Variants in PPARGC1A observed in about 807,000 individuals in gnomAD.
PPARGC1A encodes PPARG coactivator 1 alpha.
PPARGC1A carries 25 observed loss-of-function variants against 88.7 expected under a neutral mutation model. The ratio of observed to expected loss-of-function variants is 0.28; its 90% CI spans 0.21 to 0.39. The LOEUF is 0.39. Among genes scored for constraint, PPARGC1A ranks in the 10% least tolerant of loss-of-function variants. PPARGC1A has a pLI of 1.00. For missense variants in PPARGC1A, 880 were observed against 968.7 expected (o/e 0.91, Z 1.22); for synonymous variants, 363 against 355.6 (o/e 1.02, Z -0.24).
the PPARGC1A span, among the ~76,000 whole-genome samples, chr4:24,009,048 A>ACCTTCAC: frequency 6.6e-6 from 1 of 150,906 alleles, no homozygotes; most frequent in Non-Finnish European, 1.5e-5. Flanking sequence ...ATACAGGAAG[A>ACCTTCAC]CCTTCACATA....
the PPARGC1A span, among the ~76,000 whole-genome samples, chr4:24,332,296 G>A: frequency 1.3e-5 from 2 of 152,022 alleles, no homozygotes. Flanking sequence ...TGCATTTAAA[G>A]CTGGTCGAGG....
the PPARGC1A span, among the ~76,000 whole-genome samples, chr4:24,471,692 G>A: frequency 6.6e-6 from 1 of 152,114 alleles, no homozygotes; most frequent in Admixed American, 6.5e-5. The surrounding 1 kb of genome is among the most constrained non-coding windows in gnomAD (Gnocchi z 5.4). Flanking sequence ...CCTACAGGCC[G>A]GCGGCGTGGA....
chr4:23,998,111 T>C, the PPARGC1A span, among the ~76,000 whole-genome samples: 1 of 152,196 alleles, frequency 6.6e-6, no homozygotes, highest in Non-Finnish European at 1.5e-5. Flanking sequence ...ACATGACCCC[T>C]GGCAGGTGGA....
intron 2 of PPARGC1A, among the ~76,000 whole-genome samples, chr4:23,868,764 A>G (rs999433455): frequency 1.3e-5 from 2 of 152,226 alleles, no homozygotes; most frequent in African/African-American, 4.8e-5. Context: ...GTAAAGGCTT[A>G]ATGTAAACAC....
intron 2 of PPARGC1A, among the ~76,000 whole-genome samples, chr4:23,844,277 T>C (rs1284606578): frequency 6.9e-6 from 1 of 145,268 alleles, no homozygotes; most frequent in Non-Finnish European, 1.5e-5. Flanking sequence ...AAAATACAAC[T>C]AATGACACAA....
chr4:24,216,162 T>C, the PPARGC1A span, among the ~76,000 whole-genome samples: 1 of 148,370 alleles, frequency 6.7e-6, no homozygotes, highest in African/African-American at 2.5e-5. Context: ...TTTTTTTTTT[T>C]TTTGAGACAG....
At chr4:23,900,802 A>G (rs1719242641), upstream of PPARGC1A, among the ~76,000 whole-genome samples, 1 of 152,244 alleles carries the variant, frequency 6.6e-6, no homozygotes, top group African/African-American at 2.4e-5. Flanking sequence ...CCAGCCTCAT[A>G]CCAGTCCCGA....
chr4:24,416,690 A>C, the PPARGC1A span, among the ~76,000 whole-genome samples: 1 of 152,166 alleles, frequency 6.6e-6, no homozygotes. Context: ...TTGAAGTTTT[A>C]GATTTGGGAG....
chr4:24,321,191 G>A, the PPARGC1A span, among the ~76,000 whole-genome samples: 3 of 152,280 alleles, frequency 2.0e-5, no homozygotes, highest in Admixed American at 1.3e-4. Flanking sequence ...CAATGATACC[G>A]TGTAAGAAGG....
chr4:24,128,639 G>A, the PPARGC1A span, among the ~76,000 whole-genome samples: 1 of 151,954 alleles, frequency 6.6e-6, no homozygotes, highest in African/African-American at 2.4e-5. Flanking sequence ...GTATATGTGT[G>A]GGTGTGGCAT....
At chr4:24,156,904 G>A in the PPARGC1A span, among the ~76,000 whole-genome samples, 1 of 152,030 alleles carries the variant, frequency 6.6e-6, no homozygotes, top group Non-Finnish European at 1.5e-5. Context: ...GTTTCAAAAT[G>A]GCATTGTTAC....
the PPARGC1A span, among the ~76,000 whole-genome samples, chr4:24,417,988 T>G: frequency 1.3e-5 from 2 of 151,796 alleles, no homozygotes; most frequent in Non-Finnish European, 2.9e-5. Flanking sequence ...TATTTTGTTT[T>G]TTCTGTAAGA....
the PPARGC1A span, among the ~76,000 whole-genome samples, chr4:24,143,897 T>G: frequency 3.9e-5 from 6 of 152,334 alleles, no homozygotes; most frequent in African/African-American, 7.2e-5. Context: ...AACCTGGCAG[T>G]CTTACTCCAA....
chr4:23,914,984 C>T, the PPARGC1A span, among the ~76,000 whole-genome samples: 1 of 152,122 alleles, frequency 6.6e-6, no homozygotes, highest in Non-Finnish European at 1.5e-5. Context: ...ATTTTAATTA[C>T]TGGAGAAACC....
chr4:23,810,372 T>C (rs1239338001), intron 10 of PPARGC1A, among the ~76,000 whole-genome samples: 3 of 152,212 alleles, frequency 2.0e-5, no homozygotes, highest in Admixed American at 2.0e-4. Flanking sequence ...TACAGATTAC[T>C]TTCATCTAAG....
the PPARGC1A span, among the ~76,000 whole-genome samples, chr4:24,240,204 A>G: frequency 2.0e-5 from 3 of 152,218 alleles, no homozygotes; most frequent in Non-Finnish European, 4.4e-5. Flanking sequence ...AGACTTTGGA[A>G]GAACTAGAAG....
chr4:24,445,480 C>T, the PPARGC1A span, among the ~76,000 whole-genome samples: 2 of 152,122 alleles, frequency 1.3e-5, no homozygotes, highest in Non-Finnish European at 2.9e-5. Flanking sequence ...GTTTGGAATA[C>T]ACACAGTGGG....
At chr4:23,984,757 A>G in the PPARGC1A span, among the ~76,000 whole-genome samples, 3 of 152,118 alleles carry the variant, frequency 2.0e-5, no homozygotes, top group Non-Finnish European at 2.9e-5. Flanking sequence ...CCCATTTTAC[A>G]GATGAGGGAA....
the PPARGC1A span, among the ~76,000 whole-genome samples, chr4:23,935,796 C>A: frequency 6.6e-6 from 1 of 152,096 alleles, no homozygotes; most frequent in Non-Finnish European, 1.5e-5. Flanking sequence ...AAACTCAGTG[C>A]TATCTGAATC....
Sources: allele counts gnomAD v4.1 joint callset (sites outside exome capture counted in the v4.1 genomes callset), GRCh38; gene constraint gnomAD v4.1.1; non-coding constraint Gnocchi (gnomAD v3.1); transcripts MANE v1.5; gene names NCBI Gene and HGNC (gene_info 2026-07-23, HGNC 2026-07-21).